ANO5: variants seen among roughly 807,000 people sequenced by gnomAD.
The protein encoded by ANO5 is anoctamin-5.
A neutral mutation model predicts 121.0 loss-of-function variants in ANO5; 109 were observed. That is an observed-to-expected ratio of 0.90 (90% CI 0.77 to 1.06). The LOEUF (loss-of-function observed/expected upper bound fraction) is 1.06, where lower values mean the gene tolerates loss of function less well. Among genes scored for constraint, ANO5 ranks in the 50% least tolerant of loss-of-function variants. The pLI, the probability that ANO5 is intolerant of heterozygous loss-of-function variation, is 0.00. For missense variants in ANO5, 1,064 were observed against 1,078.5 expected, an observed-to-expected ratio of 0.99 and a Z score of 0.19; for synonymous variants, 406 against 359.9, an observed-to-expected ratio of 1.13 and a Z score of -1.45.
intron 3 of ANO5, among the ~76,000 whole-genome samples, chr11:22,212,007 T>TA (rs1491480356): frequency 1.8e-4 from 26 of 143,036 alleles, no homozygotes; most frequent in Non-Finnish European, 3.5e-4. Flanking sequence ...TTTTTTTTTT[T>TA]ACTACATAAA....
chr11:22,262,272 T>C lies in ANO5; in HGVS notation c.1774T>C (p.Leu592=), dbSNP rs780390310. 6.2e-7 allele frequency: 1 copy of C among 1,613,852 alleles called. No homozygotes were observed. Residue 592 remains leucine (L), a synonymous_variant, in exon 16 of 22, where the codon TTA becomes CTA. Coordinates refer to ENST00000324559, the MANE Select transcript of ANO5 (RefSeq NM_213599.3). ...AGGCTATCCTGGAAAATACACATAT[T>C]TATTTAATGAGTGGAGAAGTGAAGA... is the stretch of plus-strand genomic sequence containing the variant. ...FVGYPGKYTY[L]FNEWRSEECD... is the part of the protein sequence containing the mutation.
intron 2 of ANO5, among the ~76,000 whole-genome samples, chr11:22,210,442 C>A (rs1270512374): frequency 3.3e-5 from 5 of 151,872 alleles, no homozygotes; most frequent in Non-Finnish European, 5.9e-5. Flanking sequence ...ATTTGCCCAG[C>A]ATTATTTGGG....
chr11:22,251,078 C>T, intron 12 of ANO5, 67 bp downstream of exon 12: 2 of 1,419,410 alleles, frequency 1.4e-6, no homozygotes, highest in Non-Finnish European at 9.8e-7. Flanking sequence ...CTCCATATAA[C>T]ATATGACAGA....
intron 14 of ANO5, among the ~76,000 whole-genome samples, chr11:22,258,249 A>T (rs377748232): frequency 1.3e-5 from 2 of 152,344 alleles, no homozygotes; most frequent in Admixed American, 6.5e-5. Context: ...TGTAGACTAT[A>T]GTTTAGACTC....
chr11:22,225,794 T>C (rs1352499390), intron 5 of ANO5, among the ~76,000 whole-genome samples, 190 bp from the exon 6 acceptor site: 1 of 152,082 alleles, frequency 6.6e-6, no homozygotes, highest in Non-Finnish European at 1.5e-5. Flanking sequence ...ATATACTGCA[T>C]TTTTGTAGTT....
At chr11:22,194,040 T>C (rs1265526315) in intron 1 of ANO5, among the ~76,000 whole-genome samples, 1 of 152,128 alleles carries the variant, frequency 6.6e-6, no homozygotes, top group East Asian at 1.9e-4. Context: ...ATTGTAGGAG[T>C]AGCAGATCCT....
chr11:22,233,245 G>A (rs1003284149), intron 7 of ANO5, among the ~76,000 whole-genome samples: 4 of 151,628 alleles, frequency 2.6e-5, no homozygotes, highest in East Asian at 1.9e-4. Flanking sequence ...TGATTACTCC[G>A]AGAAAACATA....
intron 8 of ANO5, among the ~76,000 whole-genome samples, chr11:22,238,515 A>T (rs10741934): frequency 0.82 from 124,727 of 151,818 alleles, 51,693 homozygotes; most frequent in African/African-American, 0.92. Context: ...ATCTTTCTTT[A>T]CTTCTGAATG....
rs555051958 is a variant in ANO5, at chr11:22,278,821, C to G, written c.2521-723C>G. ...TTTTGTGGCTACCTATTTTCTAAGA[C>G]CTGAGCAAGGCAGAGGGGCTATGTA... is the stretch of plus-strand genomic sequence containing the variant. On this transcript the variant is annotated intron_variant, in intron 21 of 21. Transcript: ENST00000324559. Among the ~76,000 whole-genome samples, 11 of 151,468 alleles carry G rather than the reference C, an allele frequency of 7.3e-5. No individual in the cohort carries two copies. The South Asian group carries it at 2.1e-3, about 29-fold the overall frequency.
chr11:22,193,814 C>G (rs1783396199), intron 1 of ANO5, among the ~76,000 whole-genome samples: 1 of 152,194 alleles, frequency 6.6e-6, no homozygotes, highest in Non-Finnish European at 1.5e-5. Flanking sequence ...CTCCTTGCTC[C>G]CCTGCAGGCC....
chr11:22,192,983 G>A, upstream of ANO5: 1 of 985,314 alleles, frequency 1.0e-6, no homozygotes, highest in Non-Finnish European at 1.2e-6. Flanking sequence ...GGCGGTCTCC[G>A]AGGGTGGGGC....
intron 7 of ANO5, 94 bp from the exon 8 acceptor site, chr11:22,236,069 A>T: frequency 1.2e-6 from 1 of 834,562 alleles, no homozygotes; most frequent in Non-Finnish European, 2.0e-6. Flanking sequence ...CTGTATCTAC[A>T]TTCAAAGTAG....
At chr11:22,256,983 G>T (rs1854021967) in intron 13 of ANO5, among the ~76,000 whole-genome samples, 1 of 152,078 alleles carries the variant, frequency 6.6e-6, no homozygotes, top group Admixed American at 6.6e-5. Flanking sequence ...CCTGTTGAGA[G>T]TTCTATTTTT....
chr11:22,225,876 G>A lies in ANO5; in HGVS notation c.295-108G>A, dbSNP rs988176872. 34 of 780,036 alleles carry A rather than the reference G, an allele frequency of 4.4e-5. 1 individual carries two copies. Among genetic ancestry groups the A allele is most frequent in the South Asian group, 6.2e-5 (4 of 64,824 alleles). The allele number at this position is 780,036 out of a possible 1,614,324, so 48.3% of individuals were successfully genotyped here. A position where few individuals can be genotyped will look rare whatever the true frequency, so the allele number is the denominator to read the frequency against. ...GCATTTTTATATACAACCATGGGAG[G>A]GGCAGAGAGCCATCCAGAGTCACAG... is the stretch of plus-strand genomic sequence containing the variant. On this transcript the variant is annotated intron_variant, in intron 5 of 21. Transcript: ENST00000324559.
chr11:22,218,210 G>A, intron 3 of ANO5, 36 bp from the exon 4 acceptor site: 2 of 1,611,908 alleles, frequency 1.2e-6, no homozygotes, highest in Admixed American at 1.7e-5. Flanking sequence ...GTAATTCTGG[G>A]CAGGAAGTGC....
chr11:22,282,957 C>G lies in ANO5; in HGVS notation c.*3192C>G, dbSNP rs1027552300. The G allele has an allele frequency of 6.6e-6, 1 of 152,184 alleles. No homozygotes were observed. Among genetic ancestry groups the G allele is most frequent in the African/African-American group, 2.4e-5 (1 of 41,452 alleles). The allele number at this position is 152,184 out of a possible 1,614,324, so 9.4% of individuals were successfully genotyped here. On this transcript the variant is annotated 3_prime_UTR_variant, in exon 22 of 22. Coordinates refer to ENST00000324559, the MANE Select transcript of ANO5 (RefSeq NM_213599.3). ...CCATTGGCCAGCCTTACAAGTCAGC[C>G]ACAATGAGTCGGTATAACTACTGTG...
At chr11:22,239,719 C>T in intron 9 of ANO5, 35 bp downstream of exon 9, 2 of 1,474,558 alleles carry the variant, frequency 1.4e-6, no homozygotes, top group Non-Finnish European at 1.9e-6. Flanking sequence ...CCAATTAAAA[C>T]TTGATAATGT....
chr11:22,213,884 GTTTTGTT>G (rs1372124350), intron 3 of ANO5, among the ~76,000 whole-genome samples: 4 of 135,224 alleles, frequency 3.0e-5, no homozygotes, highest in African/African-American at 1.2e-4. Flanking sequence ...TGGAAGTGGT[GTTTTGTT>G]TTTTGTTTTG....
chr11:22,259,395 G>A (rs944145870), intron 14 of ANO5, 124 bp from the exon 15 acceptor site: 2 of 990,584 alleles, frequency 2.0e-6, no homozygotes, highest in Non-Finnish European at 3.1e-6. Flanking sequence ...GACTTAGTTT[G>A]CTTTGCACAT....
Sources: gnomAD v4.1 joint callset for allele counts (sites outside exome capture counted in the v4.1 genomes callset) on GRCh38, gnomAD v4.1.1 for gene constraint, MANE v1.5 for transcripts, NCBI Gene and HGNC (gene_info 2026-07-23, HGNC 2026-07-21) for gene names.